SEMA3E: variants seen among roughly 807,000 people sequenced by gnomAD.
SEMA3E encodes semaphorin-3E.
Under a neutral mutation model 93.6 loss-of-function variants are expected in SEMA3E, and 49 were observed. The ratio of observed to expected loss-of-function variants is 0.52; its 90% confidence interval spans 0.42 to 0.66. SEMA3E has a LOEUF of 0.66. Ranked by LOEUF, SEMA3E falls within the 30% of genes least tolerant of loss-of-function variation. The pLI, the probability that SEMA3E is intolerant of heterozygous loss-of-function variation, is 0.00. For synonymous variants in SEMA3E, 363 were observed against 330.7 expected (o/e 1.10, Z -1.06); for missense variants, 906 against 964.8 (o/e 0.94, Z 0.81).
chr7:83,521,949 T>C (rs906957183), intron 1 of SEMA3E, among the ~76,000 whole-genome samples: 3 of 152,108 alleles, frequency 2.0e-5, no homozygotes, highest in Admixed American at 6.6e-5. Flanking sequence ...ACGTGATATC[T>C]AAAGTCATGA....
At chr7:83,390,072 C>CGTATGT (rs1430185461) in intron 14 of SEMA3E, among the ~76,000 whole-genome samples, 1,021 of 69,734 alleles carry the variant, frequency 0.015, no homozygotes, top group South Asian at 0.028. Flanking sequence ...CATATATGCG[C>CGTATGT]GTATACGTGT....
chr7:83,398,445 G>A (rs1305223124), intron 11 of SEMA3E, among the ~76,000 whole-genome samples: 2 of 152,060 alleles, frequency 1.3e-5, no homozygotes, highest in African/African-American at 2.4e-5. Context: ...TAAAAATTTT[G>A]TTGGAAGTCA....
intron 15 of SEMA3E, 55 bp from the exon 16 acceptor site, chr7:83,385,488 A>G (rs1161937661): frequency 6.4e-7 from 1 of 1,563,190 alleles, no homozygotes; most frequent in African/African-American, 1.4e-5. Context: ...AGGTAAATAA[A>G]TTTTTCAAAC....
chr7:83,494,791 A>G (rs190237075), intron 1 of SEMA3E, among the ~76,000 whole-genome samples: 2 of 152,108 alleles, frequency 1.3e-5, no homozygotes, highest in African/African-American at 4.8e-5. Context: ...CAGCTCCCAC[A>G]TCACCACAGT....
At chr7:83,568,188 G>C (rs1792203118) in intron 1 of SEMA3E, among the ~76,000 whole-genome samples, 1 of 152,056 alleles carries the variant, frequency 6.6e-6, no homozygotes, top group Admixed American at 6.5e-5. Flanking sequence ...GGATGAAACA[G>C]TAAATCTGAA....
intron 16 of SEMA3E, among the ~76,000 whole-genome samples, chr7:83,368,370 T>G (rs1270794366): frequency 1.3e-5 from 2 of 152,300 alleles, no homozygotes; most frequent in East Asian, 3.9e-4. Flanking sequence ...CATTTCAATA[T>G]AGCAGTCACA....
At chr7:83,474,181 A>G (rs1304892328) in intron 2 of SEMA3E, among the ~76,000 whole-genome samples, 1 of 151,876 alleles carries the variant, frequency 6.6e-6, no homozygotes, top group Non-Finnish European at 1.5e-5. Context: ...CAGATAAGGC[A>G]TGTAAATCCC....
At chr7:83,515,393 A>C (rs1790905901) in intron 1 of SEMA3E, among the ~76,000 whole-genome samples, 1 of 152,148 alleles carries the variant, frequency 6.6e-6, no homozygotes, top group African/African-American at 2.4e-5. Flanking sequence ...AAGTCTATCT[A>C]AAATATTAGT....
At position 83,407,258 on chromosome 7, in the gene SEMA3E, G is replaced by T. The variant is rs375797663; in HGVS notation, c.671-19C>A. The T allele has an allele frequency of 3.7e-6, 6 of 1,601,740 alleles. No homozygotes were observed. The highest frequency in any genetic ancestry group is 2.7e-5 in the African/African-American group (2 of 74,600). ...TTTGGTTCTATAGGAGCAAAAAATA[G>T]GAGAAAAAGTGAAATAGATATTACA... On this transcript the variant is annotated intron_variant, in intron 6 of 16. Transcript: ENST00000643230.
intron 1 of SEMA3E, among the ~76,000 whole-genome samples, chr7:83,605,239 T>C (rs1238024869): frequency 6.6e-6 from 1 of 152,168 alleles, no homozygotes. Context: ...CTAATTTACA[T>C]TCCCACCCAC....
chr7:83,600,191 A>G lies in SEMA3E; in HGVS notation c.115+48237T>C, dbSNP rs553158240. 5.9e-5 allele frequency among the ~76,000 whole-genome samples: 9 copies of G among 152,252 alleles called. No individual in the cohort carries two copies. In the East Asian group the frequency reaches 9.7e-4, roughly 16 times the overall value. ...CAGCTTTGTTCATAAAAATCCTTCC[A>G]ATTTAATGGCTCCTTTGCTCTCATC... On this transcript the variant is annotated intron_variant, in intron 1 of 16. Coordinates refer to ENST00000643230, the MANE Select transcript of SEMA3E (RefSeq NM_012431.3).
At chr7:83,377,974 C>T (rs906101431) in intron 16 of SEMA3E, among the ~76,000 whole-genome samples, 1 of 151,818 alleles carries the variant, frequency 6.6e-6, no homozygotes, top group Admixed American at 6.6e-5. Flanking sequence ...TATGGAGGTT[C>T]ATAAATTCAA....
intron 1 of SEMA3E, among the ~76,000 whole-genome samples, chr7:83,538,819 T>C (rs1023680894): frequency 6.6e-6 from 1 of 152,172 alleles, no homozygotes; most frequent in African/African-American, 2.4e-5. Context: ...TCTTCTTGAA[T>C]AAACCTTTTC....
intron 1 of SEMA3E, among the ~76,000 whole-genome samples, chr7:83,512,645 A>G (rs1790848253): frequency 6.6e-6 from 1 of 152,208 alleles, no homozygotes; most frequent in Non-Finnish European, 1.5e-5. Flanking sequence ...AAAATACGTC[A>G]AGTTTCTTTA....
chr7:83,459,986 T>C (rs1005553714), intron 4 of SEMA3E, among the ~76,000 whole-genome samples: 1 of 152,108 alleles, frequency 6.6e-6, no homozygotes, highest in African/African-American at 2.4e-5. Context: ...CCAAATCCTA[T>C]AAAACGGCCC....
At chr7:83,512,049 A>AT (rs1372870994) in intron 1 of SEMA3E, among the ~76,000 whole-genome samples, 1 of 152,122 alleles carries the variant, frequency 6.6e-6, no homozygotes, top group African/African-American at 2.4e-5. Context: ...CATTAGTTTT[A>AT]TTTTTTTTAC....
intron 1 of SEMA3E, among the ~76,000 whole-genome samples, chr7:83,516,343 T>C (rs1278332182): frequency 6.6e-6 from 1 of 152,212 alleles, no homozygotes; most frequent in Non-Finnish European, 1.5e-5. Flanking sequence ...AAATATAATT[T>C]GACAAAGGTA....
intron 16 of SEMA3E, among the ~76,000 whole-genome samples, chr7:83,381,271 T>G (rs1340832740): frequency 1.3e-5 from 2 of 152,014 alleles, no homozygotes; most frequent in Admixed American, 1.3e-4. Context: ...TCATGGTCTA[T>G]TAGTCTCCCT....
In SEMA3E at chr7:83,405,528, T is replaced by G. The variant is rs1460470043; in HGVS notation, c.929-9A>C. 6.2e-7 allele frequency: 1 copy of G among 1,611,298 alleles called. No individual in the cohort carries two copies. The highest frequency in any genetic ancestry group is 8.5e-7 in the Non-Finnish European group (1 of 1,177,788). ...TAGCAAAAAAACGTCCTCTGAAAAA[T>G]TAAAGGCCATTCCATCGCTTAGTAT... is the stretch of plus-strand genomic sequence containing the variant. On this transcript the variant is annotated splice_polypyrimidine_tract_variant and intron_variant, in intron 8 of 16. Transcript: ENST00000643230.
Sources: gnomAD v4.1 joint callset for allele counts (sites outside exome capture counted in the v4.1 genomes callset) on GRCh38, gnomAD v4.1.1 for gene constraint, MANE v1.5 for transcripts, NCBI Gene and HGNC (gene_info 2026-07-23, HGNC 2026-07-21) for gene names.